Variants in ARB2A observed in about 807,000 individuals in gnomAD.
ARB2A encodes the protein cotranscriptional regulator ARB2A.
chr5:93,860,313 T>C, the ARB2A span, among the ~76,000 whole-genome samples: 10 of 152,086 alleles, frequency 6.6e-5, 1 homozygote, highest in South Asian at 1.7e-3. Flanking sequence ...AAGAATCTTA[T>C]ACTATAATAG....
the ARB2A span, among the ~76,000 whole-genome samples, chr5:93,666,801 G>A: frequency 1.3e-5 from 2 of 152,148 alleles, no homozygotes; most frequent in Non-Finnish European, 2.9e-5. Flanking sequence ...AAGGCTCACT[G>A]TTCAGGAAAC....
At chr5:94,048,073 G>C in the ARB2A span, among the ~76,000 whole-genome samples, 6 of 10,902 alleles carry the variant, frequency 5.5e-4, no homozygotes, top group African/African-American at 2.0e-3. Flanking sequence ...TTTTTTTTTT[G>C]AGACAGAGTC....
chr5:94,063,854 T>A, the ARB2A span, among the ~76,000 whole-genome samples: 1 of 151,436 alleles, frequency 6.6e-6, no homozygotes, highest in Admixed American at 6.6e-5. Context: ...TAAGAAAAAA[T>A]CATCCATTAT....
chr5:93,884,096 A>C, the ARB2A span, among the ~76,000 whole-genome samples: 1 of 151,664 alleles, frequency 6.6e-6, no homozygotes, highest in Admixed American at 6.6e-5. Context: ...AACTTCACTC[A>C]AGGTAAAAGA....
chr5:93,781,494 C>T, the ARB2A span, among the ~76,000 whole-genome samples: 3 of 152,148 alleles, frequency 2.0e-5, no homozygotes, highest in Admixed American at 2.0e-4. Flanking sequence ...CTGCGATAAA[C>T]ATACCAGTAT....
At chr5:93,881,581 T>C in the ARB2A span, 1 of 1,611,166 alleles carries the variant, frequency 6.2e-7, no homozygotes, top group Non-Finnish European at 8.5e-7. Flanking sequence ...TTTCCCGTTT[T>C]TCTGCTGGTT....
chr5:93,970,587 A>T, the ARB2A span, among the ~76,000 whole-genome samples: 1 of 152,124 alleles, frequency 6.6e-6, no homozygotes, highest in Non-Finnish European at 1.5e-5. Context: ...CTGGGGTTTG[A>T]TTCTCCCCAC....
At chr5:93,859,120 A>C in the ARB2A span, among the ~76,000 whole-genome samples, 1 of 152,212 alleles carries the variant, frequency 6.6e-6, no homozygotes, top group African/African-American at 2.4e-5. Context: ...AATCTGTGTT[A>C]AAGGTGGCAC....
chr5:93,992,490 T>A, the ARB2A span, among the ~76,000 whole-genome samples: 1 of 152,002 alleles, frequency 6.6e-6, no homozygotes, highest in East Asian at 1.9e-4. Context: ...GTTAAGTGGA[T>A]TACAACCAAA....
chr5:93,987,028 T>A, the ARB2A span, among the ~76,000 whole-genome samples: 34 of 150,724 alleles, frequency 2.3e-4, no homozygotes, highest in South Asian at 1.5e-3. Flanking sequence ...TAAAAAAATT[T>A]AAAAAAAAAG....
At chr5:94,033,952 G>C in the ARB2A span, among the ~76,000 whole-genome samples, 3 of 152,144 alleles carry the variant, frequency 2.0e-5, no homozygotes, top group Non-Finnish European at 4.4e-5. Flanking sequence ...AGTTCTTGTG[G>C]GAATGGGCTA....
chr5:93,855,594 T>TA, the ARB2A span, among the ~76,000 whole-genome samples: 1 of 152,170 alleles, frequency 6.6e-6, no homozygotes, highest in Non-Finnish European at 1.5e-5. Context: ...CAGTGGCTGG[T>TA]ACTGGTTGTT....
At chr5:94,093,449 T>C in the ARB2A span, among the ~76,000 whole-genome samples, 1 of 152,166 alleles carries the variant, frequency 6.6e-6, no homozygotes, top group Non-Finnish European at 1.5e-5. Context: ...GCATTCTTAC[T>C]GGAGAAAGGG....
the ARB2A span, among the ~76,000 whole-genome samples, chr5:94,055,160 C>G: frequency 2.6e-5 from 4 of 152,098 alleles, no homozygotes; most frequent in African/African-American, 7.2e-5. Flanking sequence ...TTTAAAACTT[C>G]AAATTTACTC....
the ARB2A span, among the ~76,000 whole-genome samples, chr5:93,868,501 G>C: frequency 6.6e-6 from 1 of 152,322 alleles, no homozygotes; most frequent in African/African-American, 2.4e-5. Context: ...AAGGATAGAA[G>C]AGTGAAGAGC....
At chr5:93,881,148 T>A in the ARB2A span, among the ~76,000 whole-genome samples, 1 of 151,714 alleles carries the variant, frequency 6.6e-6, no homozygotes, top group African/African-American at 2.4e-5. Context: ...ACAGCGTGTT[T>A]GGAAACTGAA....
At chr5:93,922,616 G>GGGGAA in the ARB2A span, among the ~76,000 whole-genome samples, 1 of 105,734 alleles carries the variant, frequency 9.5e-6, no homozygotes. Context: ...AGGGAGGGGA[G>GGGGAA]GGGAGGGGAG....
At chr5:93,941,161 G>C in the ARB2A span, among the ~76,000 whole-genome samples, 1 of 152,020 alleles carries the variant, frequency 6.6e-6, no homozygotes, top group African/African-American at 2.4e-5. Context: ...CCCGTTCCTT[G>C]AAAGTGTCCA....
the ARB2A span, among the ~76,000 whole-genome samples, chr5:93,789,874 C>T: frequency 7.4e-4 from 112 of 152,292 alleles, 3 homozygotes; most frequent in Non-Finnish European, 1.5e-4. Flanking sequence ...ACTAGCACCT[C>T]TAGTGATTAT....
Sources: allele counts gnomAD v4.1 joint callset (sites outside exome capture counted in the v4.1 genomes callset), GRCh38; gene constraint gnomAD v4.1.1; transcripts MANE v1.5; gene names NCBI Gene and HGNC (gene_info 2026-07-23, HGNC 2026-07-21).